Variants in MARCHF1 observed in about 807,000 individuals in gnomAD.
MARCHF1 encodes the protein E3 ubiquitin-protein ligase MARCHF1.
In MARCHF1, 40 loss-of-function variants were observed where a neutral mutation model predicts 54.2. That is an observed-to-expected ratio of 0.74 (90% CI 0.57 to 0.96). MARCHF1 has a LOEUF of 0.96. Ranked by LOEUF, MARCHF1 falls within the 40% of genes least tolerant of loss-of-function variation. The probability of loss-of-function intolerance (pLI) is 0.00; values close to 1 mark genes in which losing one functional copy is unlikely to be tolerated. For missense variants in MARCHF1, 586 were observed against 656.5 expected (o/e 0.89, Z 1.17); for synonymous variants, 236 against 236.3 (o/e 1.00, Z 0.01).
At chr4:164,256,773 C>T (rs910041409) in intron 1 of MARCHF1, among the ~76,000 whole-genome samples, 3 of 152,130 alleles carry the variant, frequency 2.0e-5, no homozygotes, top group African/African-American at 7.2e-5. Context: ...CAAAAGAAGG[C>T]TTCAGTAGCT....
chr4:163,996,800 A>C (rs904122456), intron 2 of MARCHF1, among the ~76,000 whole-genome samples: 1 of 152,058 alleles, frequency 6.6e-6, no homozygotes, highest in Non-Finnish European at 1.5e-5. Context: ...GCACACAGGG[A>C]GAACACCATG....
At chr4:164,186,890 T>C (rs1284403997) in intron 1 of MARCHF1, among the ~76,000 whole-genome samples, 1 of 152,226 alleles carries the variant, frequency 6.6e-6, no homozygotes, top group Non-Finnish European at 1.5e-5. Flanking sequence ...CCAAAGACTC[T>C]AGGTTAGAGC....
chr4:163,832,738 CCT>C (rs1749065400), intron 4 of MARCHF1, among the ~76,000 whole-genome samples: 1 of 137,944 alleles, frequency 7.2e-6, no homozygotes, highest in South Asian at 2.8e-4. Context: ...ATCCCTCCCC[CCT>C]CCCCCAACCC....
At chr4:163,534,623 G>C (rs573922199) in intron 9 of MARCHF1, among the ~76,000 whole-genome samples, 1 of 151,956 alleles carries the variant, frequency 6.6e-6, no homozygotes, top group Admixed American at 6.6e-5. Flanking sequence ...AAAACAAATC[G>C]TCAAGAAAAC....
chr4:164,242,374 A>T (rs1732797056), intron 1 of MARCHF1, among the ~76,000 whole-genome samples: 1 of 146,668 alleles, frequency 6.8e-6, no homozygotes, highest in South Asian at 2.3e-4. Flanking sequence ...GCACACTGAC[A>T]CCTCACACGG....
At chr4:164,372,190 G>A (rs11735875) in intron 1 of MARCHF1, among the ~76,000 whole-genome samples, 79,857 of 152,052 alleles carry the variant, frequency 0.53, 21,716 homozygotes, top group East Asian at 0.65. Context: ...TCAAAATATC[G>A]TGATTAATGA....
At chr4:163,711,043 A>C (rs1745091812) in intron 4 of MARCHF1, among the ~76,000 whole-genome samples, 2 of 151,988 alleles carry the variant, frequency 1.3e-5, no homozygotes, top group South Asian at 4.1e-4. Context: ...GTTGTTTCTT[A>C]GATGACCAGA....
intron 3 of MARCHF1, among the ~76,000 whole-genome samples, chr4:163,886,149 G>A (rs193116233): frequency 2.5e-4 from 37 of 148,670 alleles, no homozygotes; most frequent in Admixed American, 8.1e-4. Context: ...CTATAAATAT[G>A]TAGATCTATA....
rs182652651 is a variant in MARCHF1 at position 164,117,279 on chromosome 4, A to G, written c.-322-5617T>C. Among the ~76,000 whole-genome samples the G allele has an allele frequency of 1.8e-4, 27 of 152,108 alleles. No individual in the cohort carries two copies. The East Asian group carries it at 5.0e-3, about 28-fold the overall frequency. ...TCTCAAAAAAATAAAAAATAAATAA[A>G]TAAATAAACAATAGAATAATTTCTG... is the stretch of plus-strand genomic sequence containing the variant. On this transcript the variant is annotated intron_variant, in intron 1 of 9. Coordinates refer to ENST00000514618, the MANE Select transcript of MARCHF1 (RefSeq NM_001394959.1).
At chr4:164,184,209 T>TC (rs1467315144) in intron 1 of MARCHF1, among the ~76,000 whole-genome samples, 1 of 152,188 alleles carries the variant, frequency 6.6e-6, no homozygotes, top group Non-Finnish European at 1.5e-5. Context: ...TACAACTTTT[T>TC]CCCGATATAA....
chr4:163,631,706 A>T (rs1579132412), intron 5 of MARCHF1, among the ~76,000 whole-genome samples: 1 of 152,354 alleles, frequency 6.6e-6, no homozygotes, highest in East Asian at 1.9e-4. Context: ...TATATTTAAG[A>T]AACTCCTAGA....
At chr4:163,965,620 A>C (rs1034363502) in intron 3 of MARCHF1, among the ~76,000 whole-genome samples, 1 of 152,050 alleles carries the variant, frequency 6.6e-6, no homozygotes, top group African/African-American at 2.4e-5. Context: ...ACTACTGTAC[A>C]TGACATTTTA....
At chr4:164,258,613 A>T (rs1733363044) in intron 1 of MARCHF1, among the ~76,000 whole-genome samples, 1 of 152,120 alleles carries the variant, frequency 6.6e-6, no homozygotes. Flanking sequence ...ATGTGTAAAG[A>T]ATCACAATAT....
At chr4:164,052,993 C>A (rs1163118578) in intron 2 of MARCHF1, among the ~76,000 whole-genome samples, 1 of 152,094 alleles carries the variant, frequency 6.6e-6, no homozygotes, top group Non-Finnish European at 1.5e-5. Flanking sequence ...ATTTCTTCAT[C>A]TTTTCTACTT....
At chr4:164,294,341 T>C (rs534702310) in intron 1 of MARCHF1, among the ~76,000 whole-genome samples, 1 of 152,276 alleles carries the variant, frequency 6.6e-6, no homozygotes, top group Non-Finnish European at 1.5e-5. Flanking sequence ...ATCTTATACC[T>C]CTAGAGAACC....
chr4:163,922,253 A>G (rs1407906529), intron 3 of MARCHF1, among the ~76,000 whole-genome samples: 2 of 152,090 alleles, frequency 1.3e-5, no homozygotes, highest in African/African-American at 2.4e-5. Context: ...TGGGAGATAT[A>G]CCTAATGTTA....
intron 7 of MARCHF1, among the ~76,000 whole-genome samples, chr4:163,608,776 T>C (rs1741226681): frequency 6.6e-6 from 1 of 151,980 alleles, no homozygotes; most frequent in East Asian, 1.9e-4. Flanking sequence ...TAGGAGCTTC[T>C]TTCTTTTTTG....
intron 2 of MARCHF1, among the ~76,000 whole-genome samples, chr4:164,088,658 A>T (rs1755239113): frequency 6.6e-6 from 1 of 152,132 alleles, no homozygotes; most frequent in Admixed American, 6.5e-5. Context: ...GAATCACCTG[A>T]GCCCCAGGAG....
At chr4:164,203,367 A>G (rs949568419) in intron 1 of MARCHF1, among the ~76,000 whole-genome samples, 5 of 152,114 alleles carry the variant, frequency 3.3e-5, no homozygotes, top group South Asian at 2.1e-4. Flanking sequence ...GGCTCATTCT[A>G]TTGTGGAGGA....
Sources: gnomAD v4.1 joint callset for allele counts (sites outside exome capture counted in the v4.1 genomes callset) on GRCh38, gnomAD v4.1.1 for gene constraint, MANE v1.5 for transcripts, NCBI Gene and HGNC (gene_info 2026-07-23, HGNC 2026-07-21) for gene names.